Variants in ATP13A4 observed in about 807,000 individuals in gnomAD.
The protein encoded by ATP13A4 is probable cation-transporting ATPase 13A4.
In ATP13A4, 114 loss-of-function variants were observed where a neutral mutation model predicts 142.5. That is an observed-to-expected ratio of 0.80 (90% CI 0.69 to 0.93). The LOEUF is 0.93. Among genes scored for constraint, ATP13A4 ranks in the 40% least tolerant of loss-of-function variants. The pLI, the probability that ATP13A4 is intolerant of heterozygous loss-of-function variation, is 0.00. For missense variants in ATP13A4, 1,392 were observed against 1,454.0 expected, an observed-to-expected ratio of 0.96 and a Z score of 0.69; for synonymous variants, 488 against 514.8, an observed-to-expected ratio of 0.95 and a Z score of 0.70.
chr3:193,542,421 C>T lies in ATP13A4; in HGVS notation c.60+12319G>A, dbSNP rs186833352. 2.4e-4 allele frequency among the ~76,000 whole-genome samples: 36 copies of T among 152,090 alleles called. No individual in the cohort carries two copies. In the East Asian group the frequency reaches 6.2e-3, roughly 26 times the overall value. ...CCCAAAGTAATTTATAGATTCAATG[C>T]TATTCCCATTAAACTGCCATTGACA... is the stretch of plus-strand genomic sequence containing the variant. On this transcript the variant is annotated intron_variant, in intron 1 of 29. Coordinates refer to ENST00000342695, the MANE Select transcript of ATP13A4 (RefSeq NM_032279.4).
In ATP13A4 at chr3:193,412,299, A is replaced by C; in HGVS notation, c.3087T>G (p.Ser1029Arg). Residue 1029 changes from serine to arginine, a missense_variant, in exon 27 of 30, where the codon AGT becomes AGG. By Grantham distance (110) the Ser-to-Arg change is moderately radical. Coordinates refer to ENST00000342695, the MANE Select transcript of ATP13A4 (RefSeq NM_032279.4). Reference sequence around the variant, plus strand: ...TCTCAAAACTTGTGAAGGTGCTATTACTTTCCATTTTTTCTGGAGCAGTTG... The same window carrying C: ...TCTCAAAACTTGTGAAGGTGCTATTCCTTTCCATTTTTTCTGGAGCAGTTG... ...MSPTAPEKME[S>R]NSTFTSFENT... 6.2e-7 allele frequency: 1 copy of C among 1,613,978 alleles called. No homozygotes were observed.
chr3:193,420,474 A>G (rs1350203315), intron 25 of ATP13A4, among the ~76,000 whole-genome samples: 1 of 149,920 alleles, frequency 6.7e-6, no homozygotes, highest in Non-Finnish European at 1.5e-5. Context: ...GCGAGACAAT[A>G]TGATATCAAC....
chr3:193,438,406 G>T, intron 23 of ATP13A4, 69 bp downstream of exon 23: 1 of 1,316,014 alleles, frequency 7.6e-7, no homozygotes, highest in Non-Finnish European at 1.1e-6. Flanking sequence ...GTCTTTCCCA[G>T]GCAGAACAAT....
rs1471335968 is a variant in ATP13A4, at chr3:193,564,526, G to A, written n.291+17181C>T. ...GAACTAGGATTAACAGGTGGAAACT[G>A]GTGCCTAGTAGTTAAGAGTAAAGGC... On this transcript the variant is annotated intron_variant and non_coding_transcript_variant, in intron 2 of 3. Transcript: ENST00000489140. Among the ~76,000 whole-genome samples the A allele has an allele frequency of 3.3e-5, 5 of 152,298 alleles. No homozygotes were observed. The East Asian group carries it at 9.6e-4, about 29-fold the overall frequency.
chr3:193,564,907 G>C (rs1724098789), intron 2 of ATP13A4, among the ~76,000 whole-genome samples: 1 of 152,072 alleles, frequency 6.6e-6, no homozygotes, highest in African/African-American at 2.4e-5. Flanking sequence ...AAACCCTACT[G>C]TGAACTGCAC....
chr3:193,554,669 TGTGTGTGTGTG>T, intron 1 of ATP13A4, 60 bp downstream of exon 1: 4 of 1,382,908 alleles, frequency 2.9e-6, no homozygotes, highest in Non-Finnish European at 4.1e-6. Flanking sequence ...TGTGTGTGTG[TGTGTGTGTGTG>T]TGTGTGTCTC....
At chr3:193,500,553 C>G (rs1346476932) in intron 3 of ATP13A4, among the ~76,000 whole-genome samples, 1 of 152,122 alleles carries the variant, frequency 6.6e-6, no homozygotes, top group East Asian at 1.9e-4. Flanking sequence ...AGCACCGTAA[C>G]CTAGATCCCT....
chr3:193,486,983 C>T (rs1284317344), intron 7 of ATP13A4, among the ~76,000 whole-genome samples: 1 of 152,186 alleles, frequency 6.6e-6, no homozygotes, highest in Non-Finnish European at 1.5e-5. Context: ...CTAATGTAAG[C>T]AGTCGGCCAA....
chr3:193,474,039 G>T (rs189101900), intron 8 of ATP13A4, among the ~76,000 whole-genome samples: 33 of 152,208 alleles, frequency 2.2e-4, no homozygotes, highest in Middle Eastern at 3.4e-3. Context: ...CACAGTAGAG[G>T]CCAGGCGCGG....
At chr3:193,440,309 G>A (rs757309067) in intron 21 of ATP13A4, 33 of 548,322 alleles carry the variant, frequency 6.0e-5, no homozygotes, top group Non-Finnish European at 1.0e-4. Flanking sequence ...AGCATTGAAT[G>A]CAAAATTGAC....
At chr3:193,546,388 G>C (rs1279563757) in intron 1 of ATP13A4, among the ~76,000 whole-genome samples, 1 of 152,104 alleles carries the variant, frequency 6.6e-6, no homozygotes, top group Admixed American at 6.6e-5. Context: ...AGTCAGTCAG[G>C]ATATGGATTT....
At chr3:193,427,023 A>ATT (rs1715704202) in intron 25 of ATP13A4, among the ~76,000 whole-genome samples, 1 of 152,050 alleles carries the variant, frequency 6.6e-6, no homozygotes, top group Non-Finnish European at 1.5e-5. Context: ...AAACTTGGAC[A>ATT]TTATTTAAAA....
chr3:193,556,867 A>T (rs560700251), upstream of ATP13A4, among the ~76,000 whole-genome samples: 1 of 152,354 alleles, frequency 6.6e-6, no homozygotes. Context: ...ACAGAAAAAA[A>T]TATAAAACAA....
At chr3:193,527,503 T>C (rs1036307257) in intron 1 of ATP13A4, among the ~76,000 whole-genome samples, 2 of 151,884 alleles carry the variant, frequency 1.3e-5, no homozygotes, top group Non-Finnish European at 2.9e-5. Flanking sequence ...TCTCAGCTAC[T>C]TGGGAAGCGG....
chr3:193,437,825 ATTTTTTT>A lies in ATP13A4; in HGVS notation c.2672+643_2672+649del, dbSNP rs372139378. Among the ~76,000 whole-genome samples, 730 of 102,960 alleles carry A rather than the reference ATTTTTTT, an allele frequency of 7.1e-3. 6 individuals are homozygous for A. Among genetic ancestry groups the A allele is most frequent in the African/African-American group, 9.0e-3 (238 of 26,468 alleles). The allele number at this position is 102,960 out of a possible 152,430, so 67.5% of individuals were successfully genotyped here. ...GTGAGAGCAGCAAAAGCCAATAAAG[ATTTTTTT>A]TTTTTTTTTTTTTTTTTGAGACAGA... On this transcript the variant is annotated intron_variant, in intron 23 of 29. Transcript: ENST00000342695.
rs1446950195 is a variant in ATP13A4, at chr3:193,400,987, A to C, written c.*1665T>G. 6.6e-6 allele frequency among the ~76,000 whole-genome samples: 1 copy of C among 152,208 alleles called. No homozygotes were observed. Among genetic ancestry groups the C allele is most frequent in the African/African-American group, 2.4e-5 (1 of 41,462 alleles). On this transcript the variant is annotated 3_prime_UTR_variant, in exon 30 of 30. Coordinates refer to ENST00000342695, the MANE Select transcript of ATP13A4 (RefSeq NM_032279.4). ...TGATTCTGCAGTCTTGAAACACTAAAATATCTTCACGCCCTATTTTAAAAC... is the reference window on the plus strand; with the variant it reads ...TGATTCTGCAGTCTTGAAACACTAACATATCTTCACGCCCTATTTTAAAAC...
intron 1 of ATP13A4, among the ~76,000 whole-genome samples, chr3:193,523,550 T>C (rs1414935473): frequency 1.3e-5 from 2 of 152,120 alleles, no homozygotes; most frequent in African/African-American, 4.8e-5. Flanking sequence ...CCCTAAATGA[T>C]GGTATTCGCA....
intron 29 of ATP13A4, chr3:193,404,068 A>G: frequency 2.0e-6 from 2 of 985,448 alleles, no homozygotes; most frequent in Non-Finnish European, 2.4e-6. Context: ...TAACCGTCTC[A>G]GCCTCTTGGA....
intron 1 of ATP13A4, among the ~76,000 whole-genome samples, chr3:193,525,853 A>G (rs1356851518): frequency 1.3e-5 from 2 of 152,252 alleles, no homozygotes; most frequent in African/African-American, 2.4e-5. Flanking sequence ...AAATCACCAT[A>G]TAACCAAATC....
Sources: gnomAD v4.1 joint callset for allele counts (sites outside exome capture counted in the v4.1 genomes callset) on GRCh38, gnomAD v4.1.1 for gene constraint, MANE v1.5 for transcripts, NCBI Gene and HGNC (gene_info 2026-07-23, HGNC 2026-07-21) for gene names.